MAMLD1: variants seen among roughly 807,000 people sequenced by gnomAD.
MAMLD1 encodes the protein mastermind like domain containing 1, also known as mastermind-like domain-containing protein 1.
MAMLD1 carries 14 observed loss-of-function variants against 45.0 expected under a neutral mutation model. The ratio of observed to expected loss-of-function variants is 0.31; its 90% CI spans 0.21 to 0.49. The LOEUF is 0.49. Among genes scored for constraint, MAMLD1 ranks in the 20% least tolerant of loss-of-function variants. The pLI is 0.99. For missense variants in MAMLD1, 543 were observed against 603.6 expected, an observed-to-expected ratio of 0.90 and a Z score of 1.05; for synonymous variants, 254 against 247.8, an observed-to-expected ratio of 1.02 and a Z score of -0.24.
chrX:150,379,909 T>C (rs989028201), intron 1 of MAMLD1, among the ~76,000 whole-genome samples: 9 of 112,235 alleles, frequency 8.0e-5, no homozygotes, highest in Middle Eastern at 9.2e-3. Flanking sequence ...AGATGTACCA[T>C]AGATTATTCA....
intron 1 of MAMLD1, among the ~76,000 whole-genome samples, chrX:150,426,384 C>T (rs971243275): frequency 1.2e-4 from 13 of 111,822 alleles, no homozygotes; most frequent in African/African-American, 3.6e-4. Flanking sequence ...ACATCCAGGC[C>T]GGAAGTCTGG....
At chrX:150,410,027 T>C (rs1243079382) in intron 1 of MAMLD1, among the ~76,000 whole-genome samples, 1 of 111,963 alleles carries the variant, frequency 8.9e-6, no homozygotes, top group Non-Finnish European at 1.9e-5. Context: ...GCCTAGGAAC[T>C]GGGTGTGTTC....
At chrX:150,412,488 T>C (rs1247028490) in intron 1 of MAMLD1, among the ~76,000 whole-genome samples, 1 of 110,956 alleles carries the variant, frequency 9.0e-6, no homozygotes, top group Admixed American at 9.6e-5. Context: ...CTGAAACCTT[T>C]TAGGTGCTTC....
chrX:150,369,423 AG>A (rs782300592), intron 1 of MAMLD1, among the ~76,000 whole-genome samples: 10 of 112,945 alleles, frequency 8.9e-5, no homozygotes, highest in Non-Finnish European at 1.7e-4. Flanking sequence ...GATAATAAAA[AG>A]GGGCTGATAT....
intron 1 of MAMLD1, among the ~76,000 whole-genome samples, chrX:150,402,317 A>G (rs1402818496): frequency 9.3e-6 from 1 of 107,677 alleles, no homozygotes; most frequent in African/African-American, 3.5e-5. Context: ...AAACACATGA[A>G]AAAATGCTCA....
At chrX:150,369,289 A>G (rs1557400907) in intron 1 of MAMLD1, among the ~76,000 whole-genome samples, 1 of 111,402 alleles carries the variant, frequency 9.0e-6, no homozygotes, top group Non-Finnish European at 1.9e-5. Flanking sequence ...CTCTCCCCCA[A>G]TCCCATGACC....
chrX:150,475,308 A>G (rs1557406817), intron 5 of MAMLD1, among the ~76,000 whole-genome samples: 1 of 111,161 alleles, frequency 9.0e-6, no homozygotes, highest in Non-Finnish European at 1.9e-5. Context: ...GGCTCAAGTG[A>G]TCCTCCCACC....
chrX:150,507,182 C>T (rs1164336856), intron 6 of MAMLD1, among the ~76,000 whole-genome samples: 3 of 112,345 alleles, frequency 2.7e-5, no homozygotes, highest in African/African-American at 6.5e-5. Context: ...AAAGGCCACA[C>T]GGCCTAGGCT....
At chrX:150,481,968 G>GAAAGAAAGAAAGAAA (rs1569564961) in intron 5 of MAMLD1, among the ~76,000 whole-genome samples, 707 of 33,876 alleles carry the variant, frequency 0.021, 4 homozygotes, top group Non-Finnish European at 0.03. Context: ...AAAGAAAAAA[G>GAAAGAAAGAAAGAAA]AAAGAAAGAA....
chrX:150,448,126 T>G (rs1231237109), intron 2 of MAMLD1, among the ~76,000 whole-genome samples: 1 of 112,218 alleles, frequency 8.9e-6, no homozygotes, highest in Non-Finnish European at 1.9e-5. Context: ...GGCCTAAGAC[T>G]AGGGCTCAGA....
chrX:150,472,098 G>A (rs782588863), intron 4 of MAMLD1, among the ~76,000 whole-genome samples: 11 of 111,931 alleles, frequency 9.8e-5, no homozygotes, highest in Non-Finnish European at 2.1e-4. Context: ...CACATAGTTC[G>A]CAAGGGACAG....
At chrX:150,462,112 A>C (rs150097578) in intron 2 of MAMLD1, among the ~76,000 whole-genome samples, 1,641 of 112,160 alleles carry the variant, frequency 0.015, 23 homozygotes, top group African/African-American at 0.049. Flanking sequence ...GTCATCAGAA[A>C]ATAGGAGCCC....
At chrX:150,388,988 A>G (rs2033053612) in intron 1 of MAMLD1, among the ~76,000 whole-genome samples, 1 of 110,348 alleles carries the variant, frequency 9.1e-6, no homozygotes, top group Admixed American at 9.6e-5. Flanking sequence ...TTCCCTCCCA[A>G]CTCTGCGTTA....
At chrX:150,428,591 G>A (rs2034800056) in intron 1 of MAMLD1, among the ~76,000 whole-genome samples, 1 of 112,140 alleles carries the variant, frequency 8.9e-6, no homozygotes, top group African/African-American at 3.2e-5. Context: ...GCAAAAGGTG[G>A]CTTACTCCTG....
chrX:150,381,951 T>C (rs2032631113), intron 1 of MAMLD1, among the ~76,000 whole-genome samples: 1 of 111,370 alleles, frequency 9.0e-6, no homozygotes, highest in Non-Finnish European at 1.9e-5. Flanking sequence ...AATATGTAAT[T>C]TGAAAATACT....
intron 5 of MAMLD1, among the ~76,000 whole-genome samples, chrX:150,495,035 G>T (rs1190973159): frequency 8.9e-6 from 1 of 111,975 alleles, no homozygotes; most frequent in Non-Finnish European, 1.9e-5. Flanking sequence ...GCGAAATCCT[G>T]TCTCTACTAA....
At chrX:150,383,733 G>A (rs1247878775) in intron 1 of MAMLD1, among the ~76,000 whole-genome samples, 3 of 110,952 alleles carry the variant, frequency 2.7e-5, no homozygotes, top group Non-Finnish European at 5.7e-5. Flanking sequence ...CCCTGAAAAG[G>A]AACCACATAT....
intron 5 of MAMLD1, among the ~76,000 whole-genome samples, chrX:150,490,794 G>C (rs782199930): frequency 2.6e-4 from 29 of 111,581 alleles, no homozygotes; most frequent in Non-Finnish European, 5.1e-4. Context: ...CAAAATACTA[G>C]CAAACTCAAC....
At chrX:150,375,192 A>C (rs782359649) in intron 1 of MAMLD1, among the ~76,000 whole-genome samples, 68 of 111,812 alleles carry the variant, frequency 6.1e-4, no homozygotes, top group Non-Finnish European at 9.2e-4. Context: ...CCCAGAGAGG[A>C]GCAGGTGCTG....
Sources: gnomAD v4.1 joint callset for allele counts (sites outside exome capture counted in the v4.1 genomes callset) on GRCh38, gnomAD v4.1.1 for gene constraint, MANE v1.5 for transcripts, NCBI Gene and HGNC (gene_info 2026-07-23, HGNC 2026-07-21) for gene names.